NEU4: variants seen among roughly 807,000 people sequenced by gnomAD.
NEU4 encodes sialidase-4.
A neutral mutation model predicts 9.9 loss-of-function variants in NEU4; 7 were observed. The ratio of observed to expected loss-of-function variants is 0.71; its 90% confidence interval spans 0.40 to 1.33. The LOEUF (loss-of-function observed/expected upper bound fraction) is 1.33. Ranked by LOEUF, NEU4 falls within the 40% of genes most tolerant of loss-of-function variation. The pLI, the probability that NEU4 is intolerant of heterozygous loss-of-function variation, is 0.01. For missense variants in NEU4, 717 were observed against 712.6 expected (o/e 1.01, Z -0.07); for synonymous variants, 348 against 316.9 (o/e 1.10, Z -1.04).
At chr2:241,809,920 T>C (rs1700058194) in intron 1 of NEU4, 2 of 153,288 alleles carry the variant, frequency 1.3e-5, no homozygotes, top group Admixed American at 6.5e-5. Flanking sequence ...GAGGGGACTT[T>C]GCAAGGTGAC....
intron 2 of NEU4, 59 bp downstream of exon 2, chr2:241,814,744 C>A: frequency 6.6e-7 from 1 of 1,512,688 alleles, no homozygotes; most frequent in Non-Finnish European, 8.9e-7. Flanking sequence ...TGGGGCTGCA[C>A]ACCCCGGGAT....
intron 1 of NEU4, among the ~76,000 whole-genome samples, chr2:241,810,271 C>A (rs1434038358): frequency 1.3e-5 from 2 of 152,184 alleles, no homozygotes; most frequent in Admixed American, 6.5e-5. Context: ...GGGAAGCTTT[C>A]CTTAACCGTC....
In NEU4 at chr2:241,816,219, G is replaced by A. The variant is rs759365093; in HGVS notation, c.626G>A (p.Trp209Ter). 6.2e-7 allele frequency: 1 copy of A among 1,612,220 alleles called. No individual in the cohort carries two copies. Among genetic ancestry groups the A allele is most frequent in the Non-Finnish European group, 8.5e-7 (1 of 1,179,722 alleles). ...AFYSDDHGRT[W>*]RCGGLVPNLR... is the part of the protein sequence containing the mutation. ...TACAGCGATGACCACGGCCGCACCT[G>A]GCGCTGTGGAGGCCTCGTGCCCAAC... The change falls in exon 4 of 4, where the codon TGG becomes TAG. Residue 209 changes from tryptophan to a stop codon, truncating the protein, a stop_gained. Coordinates refer to ENST00000407683, the MANE Select transcript of NEU4 (RefSeq NM_001167600.3). LOFTEE classifies it low-confidence loss of function (END_TRUNC).
intron 1 of NEU4, chr2:241,811,343 T>C: frequency 1.4e-6 from 2 of 1,433,650 alleles, no homozygotes; most frequent in Non-Finnish European, 1.9e-6. Context: ...GGTCCTGACG[T>C]AGCCCTGAGA....
chr2:241,814,155 G>T (rs759291100), intron 1 of NEU4: 3 of 642,986 alleles, frequency 4.7e-6, no homozygotes, highest in African/African-American at 1.8e-5. Context: ...CAGGGTCCCG[G>T]GGGCTCTCTG....
intron 1 of NEU4, chr2:241,811,818 G>A (rs1700124686): frequency 3.7e-6 from 1 of 272,464 alleles, no homozygotes; most frequent in African/African-American, 2.2e-5. Context: ...CAGCCCACAG[G>A]GTCGTTCTGC....
chr2:241,811,176 G>A (rs368053257), intron 1 of NEU4: 110 of 1,228,060 alleles, frequency 9.0e-5, no homozygotes, highest in South Asian at 4.2e-4. Flanking sequence ...GTTGGAGGGC[G>A]CACCCCCGTG....
chr2:241,816,813 C>A lies in NEU4; in HGVS notation c.1220C>A (p.Thr407Lys), dbSNP rs776726671. Residue 407 changes from threonine to lysine, a missense_variant, in exon 4 of 4, where the codon ACA becomes AAA. Thr to Lys is a moderately conservative substitution (Grantham distance 78, BLOSUM62 -1). Coordinates refer to ENST00000407683, the MANE Select transcript of NEU4 (RefSeq NM_001167600.3). ...SQSPLDPRSW[T>K]EPWVIYEGPS... The stretch of plus-strand genomic sequence containing the variant: ...TCCCCGCTGGACCCGCGCAGCTGGA[C>A]AGAGCCCTGGGTGATCTACGAGGGC... 5.6e-6 allele frequency: 9 copies of A among 1,607,906 alleles called. No homozygotes were observed. The highest frequency in any genetic ancestry group is 7.6e-6 in the Non-Finnish European group (9 of 1,177,962).
intron 1 of NEU4, among the ~76,000 whole-genome samples, chr2:241,812,953 C>T (rs1468891948): frequency 1.3e-5 from 2 of 152,332 alleles, no homozygotes; most frequent in African/African-American, 2.4e-5. Flanking sequence ...GGCGTCTGCA[C>T]CTGCTTCCCG....
At chr2:241,810,633 T>A (rs951147700) in intron 1 of NEU4, 1 of 153,172 alleles carries the variant, frequency 6.5e-6, no homozygotes, top group Admixed American at 6.5e-5. Context: ...GATTCTGGCC[T>A]GGGCAGTGGT....
chr2:241,814,912 G>A lies in NEU4; in HGVS notation c.222G>A (p.Leu74=), dbSNP rs973709226. The A allele has an allele frequency of 2.5e-6, 4 of 1,611,364 alleles. No individual in the cohort carries two copies. Among genetic ancestry groups the A allele is most frequent in the Non-Finnish European group, 1.7e-6 (2 of 1,179,322 alleles). Residue 74 remains leucine, a synonymous_variant, in exon 3 of 4, where the codon CTG becomes CTA. Transcript: ENST00000407683. ...GGCAGTGGGGTGCCCTGCACGTGCTGGGGACAGCAGCCCTGGCGGAGCACC... is the reference window on the plus strand; with the variant it reads ...GGCAGTGGGGTGCCCTGCACGTGCTAGGGACAGCAGCCCTGGCGGAGCACC... ...GSVRWGALHV[L]GTAALAEHRS...
intron 1 of NEU4, among the ~76,000 whole-genome samples, chr2:241,812,798 C>G (rs929769293): frequency 1.3e-5 from 2 of 150,162 alleles, no homozygotes; most frequent in African/African-American, 4.9e-5. Context: ...GAGTCTCCTC[C>G]TCTCCCTCTC....
Position 241,817,237 on chromosome 2 carries a change from A to T in NEU4, c.*189A>T. 34 of 275,406 alleles carry T rather than the reference A, an allele frequency of 1.2e-4. No individual in the cohort carries two copies. Among genetic ancestry groups the T allele is most frequent in the East Asian group, 3.4e-4 (3 of 8,722 alleles). 17.1% of individuals were successfully genotyped at this position (275,406 alleles called of 1,614,324 possible). A position where few individuals can be genotyped will look rare whatever the true frequency, so the allele number is the denominator to read the frequency against. ...AGGGGAGCAGCGGCTGGGAGTGAGC[A>T]GGGCAGGGTGGGGGCAGGGTGGGGG... On this transcript the variant is annotated 3_prime_UTR_variant, in exon 4 of 4. Transcript: ENST00000407683.
At position 241,817,234 on chromosome 2, in the gene NEU4, A is replaced by T; in HGVS notation, c.*186A>T. On this transcript the variant is annotated 3_prime_UTR_variant, in exon 4 of 4. Coordinates refer to ENST00000407683, the MANE Select transcript of NEU4 (RefSeq NM_001167600.3). The stretch of plus-strand genomic sequence containing the variant: ...GGAAGGGGAGCAGCGGCTGGGAGTG[A>T]GCAGGGCAGGGTGGGGGCAGGGTGG... The T allele has an allele frequency of 6.3e-6, 2 of 316,880 alleles. No homozygotes were observed. Among genetic ancestry groups the T allele is most frequent in the Non-Finnish European group, 1.2e-5 (2 of 169,216 alleles). The allele number at this position is 316,880 out of a possible 1,614,324, so 19.6% of individuals were successfully genotyped here.
Position 241,814,525 on chromosome 2 carries a change from A to T in NEU4, c.41A>T (p.Glu14Val). Residue 14 changes from glutamate (E) to valine (V), a missense_variant, in exon 2 of 4, where the codon GAG (glutamate) becomes GTG (valine). Physicochemically the swap from Glu to Val is moderately radical, Grantham distance 121. Transcript: ENST00000407683. ...ACCCCTTCACGGACAGTGCTCTTCG[A>T]GCGGGAGAGGACGGGCCTGACCTAC... ...PRTPSRTVLF[E>V]RERTGLTYRV... The T allele has an allele frequency of 6.2e-7, 1 of 1,611,042 alleles. No individual in the cohort carries two copies. Among genetic ancestry groups the T allele is most frequent in the Non-Finnish European group, 8.5e-7 (1 of 1,178,502 alleles).
At chr2:241,813,160 G>C (rs889040620) in intron 1 of NEU4, among the ~76,000 whole-genome samples, 4 of 152,212 alleles carry the variant, frequency 2.6e-5, no homozygotes, top group Admixed American at 6.5e-5. Context: ...CTCAGGTGTC[G>C]GGGCAAGGCC....
chr2:241,812,691 G>GT (rs1700169560), intron 1 of NEU4, among the ~76,000 whole-genome samples: 1 of 142,022 alleles, frequency 7.0e-6, no homozygotes, highest in African/African-American at 2.9e-5. Flanking sequence ...CCTGGCCGTG[G>GT]CAAGGAAGCC....
rs747757485 is a variant in NEU4 at position 241,814,656 on chromosome 2, A to T, written c.172A>T (p.Arg58Trp). The change falls in exon 2 of 4, where the codon AGG (arginine) becomes TGG (tryptophan). Residue 58 changes from arginine (R) to tryptophan (W), a missense_variant. Physicochemically the swap from Arg to Trp is moderately radical, Grantham distance 101. Coordinates refer to ENST00000407683, the MANE Select transcript of NEU4 (RefSeq NM_001167600.3). Reference protein sequence around the residue: ...DSHAHRLVLRRGTLAGGSVRW... With the variant: ...DSHAHRLVLRWGTLAGGSVRW... ...CCACGCCCACCGCCTGGTGCTGAGG[A>T]GGGGCACGCTGGCCGGGGGCTCCGT... The T allele has an allele frequency of 1.9e-6, 3 of 1,571,528 alleles. No homozygotes were observed. The highest frequency in any genetic ancestry group is 3.7e-5 in the Admixed American group (2 of 53,524).
chr2:241,811,050 A>T, intron 1 of NEU4: 4 of 1,104,244 alleles, frequency 3.6e-6, no homozygotes, highest in Non-Finnish European at 4.4e-6. Context: ...AGCCCAGAGG[A>T]GAGTGTGCAC....
Sources: allele counts gnomAD v4.1 joint callset (sites outside exome capture counted in the v4.1 genomes callset), GRCh38; gene constraint gnomAD v4.1.1; transcripts MANE v1.5; gene names NCBI Gene and HGNC (gene_info 2026-07-23, HGNC 2026-07-21).